Variants in CEP89 observed in about 807,000 individuals in gnomAD.
CEP89 encodes the protein centrosomal protein of 89 kDa.
CEP89 carries 95 observed loss-of-function variants against 97.6 expected under a neutral mutation model. The ratio of observed to expected loss-of-function variants is 0.97; its 90% CI spans 0.82 to 1.15. The LOEUF (loss-of-function observed/expected upper bound fraction) is 1.15. Ranked by LOEUF, CEP89 falls within the 50% of genes most tolerant of loss-of-function variation. The pLI is 0.00. For missense variants in CEP89, 869 were observed against 947.7 expected, an observed-to-expected ratio of 0.92 and a Z score of 1.09; for synonymous variants, 354 against 349.1, an observed-to-expected ratio of 1.01 and a Z score of -0.16.
Position 32,915,691 on chromosome 19 carries a change from C to T in CEP89, c.1385-174G>A, listed in dbSNP as rs773084003. Among the ~76,000 whole-genome samples the T allele has an allele frequency of 1.2e-4, 18 of 151,334 alleles. 1 individual carries two copies. Among genetic ancestry groups the T allele is most frequent in the Non-Finnish European group, 2.1e-4 (14 of 67,816 alleles). On this transcript the variant is annotated intron_variant, in intron 13 of 18. Coordinates refer to ENST00000305768, the MANE Select transcript of CEP89 (RefSeq NM_032816.5). ...ATCCCAGCACTTTGGGAGGCTGAGG[C>T]GGGTGGATCACGAGGTCAGGAGTTC...
chr19:32,940,845 C>G (rs1264087003), intron 5 of CEP89, among the ~76,000 whole-genome samples: 1 of 151,786 alleles, frequency 6.6e-6, no homozygotes, highest in Non-Finnish European at 1.5e-5. Flanking sequence ...ACTGCACCCT[C>G]CGCCTCCCAG....
intron 7 of CEP89, chr19:32,937,383 A>G: frequency 2.8e-6 from 1 of 359,666 alleles, no homozygotes; most frequent in Admixed American, 5.7e-5. Flanking sequence ...CCCTTCCCCC[A>G]GGATCCCAGC....
rs967793630 is a variant in CEP89 at position 32,882,992 on chromosome 19, G to A, written c.1966-979C>T. Among the ~76,000 whole-genome samples, 14 of 151,866 alleles carry A rather than the reference G, an allele frequency of 9.2e-5. 1 individual carries two copies. The highest frequency in any genetic ancestry group is 1.9e-4 in the Non-Finnish European group (13 of 67,980). The stretch of plus-strand genomic sequence containing the variant: ...TCCTGCCTCAGCCTCCTCAGTAGCT[G>A]GGATTACAGGTGCCCACCACCACAC... On this transcript the variant is annotated intron_variant, in intron 17 of 18. Coordinates refer to ENST00000305768, the MANE Select transcript of CEP89 (RefSeq NM_032816.5).
intron 2 of CEP89, 56 bp from the exon 3 acceptor site, chr19:32,960,114 C>G: frequency 1.3e-6 from 2 of 1,588,788 alleles, no homozygotes; most frequent in Non-Finnish European, 1.7e-6. Context: ...CAGGTGAATG[C>G]TGAACAAGGT....
chr19:32,908,122 C>G (rs879861730), intron 14 of CEP89, among the ~76,000 whole-genome samples: 3 of 152,212 alleles, frequency 2.0e-5, no homozygotes, highest in Non-Finnish European at 4.4e-5. Flanking sequence ...GACGAAATCA[C>G]TTAATGATGA....
chr19:32,924,953 AT>A (rs1970324557), intron 11 of CEP89, among the ~76,000 whole-genome samples: 1 of 152,214 alleles, frequency 6.6e-6, no homozygotes, highest in South Asian at 2.1e-4. Flanking sequence ...CACCAAAAAA[AT>A]AATATTATTA....
In CEP89 at chr19:32,889,719, C is replaced by T. The variant is rs372747668; in HGVS notation, c.1876-1878G>A. Reference sequence around the variant, plus strand: ...GCACCCCAGGGACCGGGATTCCCTGCACGTCCTGCCCTACAAACAAGACGG... The same window carrying T: ...GCACCCCAGGGACCGGGATTCCCTGTACGTCCTGCCCTACAAACAAGACGG... On this transcript the variant is annotated intron_variant, in intron 16 of 18. Transcript: ENST00000305768. 3.3e-4 allele frequency among the ~76,000 whole-genome samples: 51 copies of T among 152,308 alleles called. No individual in the cohort carries two copies. The East Asian group carries it at 8.3e-3, about 25-fold the overall frequency.
chr19:32,934,143 G>C (rs143442559), intron 7 of CEP89, among the ~76,000 whole-genome samples: 1 of 151,572 alleles, frequency 6.6e-6, no homozygotes, highest in Non-Finnish European at 1.5e-5. Flanking sequence ...GGCTGGGTGC[G>C]GGCAGTGAGA....
intron 11 of CEP89, among the ~76,000 whole-genome samples, chr19:32,925,789 A>G (rs1206609680): frequency 6.6e-6 from 1 of 151,990 alleles, no homozygotes; most frequent in Admixed American, 6.6e-5. Context: ...CGCCCAGCCC[A>G]AATGTCCCTT....
In CEP89 at chr19:32,953,952, T is replaced by C. The variant is rs1970992489; in HGVS notation, c.306-151A>G. 3.6e-5 allele frequency: 21 copies of C among 580,910 alleles called. No individual in the cohort carries two copies. In the South Asian group the frequency reaches 4.6e-4, roughly 13 times the overall value. The allele number at this position is 580,910 out of a possible 1,614,324, so 36.0% of individuals were successfully genotyped here. A position where few individuals can be genotyped will look rare whatever the true frequency, so the allele number is the denominator to read the frequency against. ...GGCACAATCTCGGCTCACTGCAAGC[T>C]CCGCCTCGTGGGTTCACGCCATTCT... is the stretch of plus-strand genomic sequence containing the variant. On this transcript the variant is annotated intron_variant, in intron 3 of 18. Coordinates refer to ENST00000305768, the MANE Select transcript of CEP89 (RefSeq NM_032816.5).
intron 4 of CEP89, among the ~76,000 whole-genome samples, chr19:32,949,657 T>A (rs1398888443): frequency 1.3e-5 from 2 of 152,258 alleles, no homozygotes; most frequent in African/African-American, 4.8e-5. Context: ...GGGCTGTGAT[T>A]ACAGGCATGA....
At position 32,966,381 on chromosome 19, in the gene CEP89, T is replaced by C. The variant is rs1599787519; in HGVS notation, c.125A>G (p.Asn42Ser). The C allele has an allele frequency of 6.4e-7, 1 of 1,553,476 alleles. No homozygotes were observed. The highest frequency in any genetic ancestry group is 8.7e-7 in the Non-Finnish European group (1 of 1,146,212). ...TCACCTTGGTCTCTCTGGAGATGGGTTGGGGCTGCGGGGAGGAGGTGTGCG... is the reference window on the plus strand; with the variant it reads ...TCACCTTGGTCTCTCTGGAGATGGGCTGGGGCTGCGGGGAGGAGGTGTGCG... ...VPRTPPPRSP[N>S]PSPERPRSAL... The change falls in exon 2 of 19, where the codon AAC (asparagine) becomes AGC (serine). Residue 42 changes from asparagine (N) to serine (S), a missense_variant. By Grantham distance (46) the Asn-to-Ser change is conservative. Coordinates refer to ENST00000305768, the MANE Select transcript of CEP89 (RefSeq NM_032816.5).
At chr19:32,893,622 C>T (rs8111090) in intron 16 of CEP89, among the ~76,000 whole-genome samples, 2 of 152,114 alleles carry the variant, frequency 1.3e-5, no homozygotes, top group Admixed American at 6.5e-5. Flanking sequence ...CTGTGTGTTA[C>T]GCTACAAAGC....
At chr19:32,957,475 T>TGA (rs1363109091) in intron 3 of CEP89, among the ~76,000 whole-genome samples, 24 of 152,098 alleles carry the variant, frequency 1.6e-4, no homozygotes, top group Non-Finnish European at 3.1e-4. Context: ...AAGTCCAGCC[T>TGA]GGGTAATATC....
intron 17 of CEP89, among the ~76,000 whole-genome samples, chr19:32,887,034 A>AAG (rs1969413694): frequency 6.6e-6 from 1 of 150,462 alleles, no homozygotes; most frequent in African/African-American, 2.4e-5. Flanking sequence ...AAATACAAAA[A>AAG]AAAAAAAATA....
chr19:32,902,199 A>G (rs1056535690), intron 14 of CEP89, among the ~76,000 whole-genome samples: 2 of 152,194 alleles, frequency 1.3e-5, no homozygotes, highest in Non-Finnish European at 2.9e-5. Flanking sequence ...AAAAGAAACA[A>G]AGAACAAAGG....
chr19:32,949,562 T>G (rs138024985), intron 4 of CEP89, among the ~76,000 whole-genome samples: 335 of 152,170 alleles, frequency 2.2e-3, no homozygotes, highest in African/African-American at 7.7e-3. Context: ...TTTTAAATTT[T>G]TTGTAGAGAT....
chr19:32,923,511 T>C lies in CEP89; in HGVS notation c.1196A>G (p.Gln399Arg), dbSNP rs761545597. ...EEMRMFRMRV[Q>R]EVVKENEELH... ...TTCTTCATTTTCTTTCACCACTTCT[T>C]GGACTCGCATCCTAAACATTCTCAT... The change falls in exon 12 of 19, where the codon CAA becomes CGA. Residue 399 changes from glutamine to arginine, a missense_variant. Transcript: ENST00000305768. The C allele has an allele frequency of 3.7e-6, 6 of 1,609,006 alleles. No individual in the cohort carries two copies. In the East Asian group the frequency reaches 1.1e-4, roughly 30 times the overall value.
intron 14 of CEP89, among the ~76,000 whole-genome samples, chr19:32,911,799 T>C (rs553816042): frequency 2.6e-5 from 4 of 152,268 alleles, no homozygotes; most frequent in Non-Finnish European, 4.4e-5. Context: ...ACCAATGCTA[T>C]GGAGGGAGAA....
Sources: gnomAD v4.1 joint callset for allele counts (sites outside exome capture counted in the v4.1 genomes callset) on GRCh38, gnomAD v4.1.1 for gene constraint, MANE v1.5 for transcripts, NCBI Gene and HGNC (gene_info 2026-07-23, HGNC 2026-07-21) for gene names.